Variants in TMEM135 observed in about 807,000 individuals in gnomAD.
TMEM135 encodes the protein peroxisomal membrane protein 52.
TMEM135 carries 30 observed loss-of-function variants against 60.3 expected under a neutral mutation model. The observed-to-expected ratio is 0.50, with a 90% CI of 0.37 to 0.68. The LOEUF is 0.68. Ranked by LOEUF, TMEM135 falls within the 30% of genes least tolerant of loss-of-function variation. The pLI, the probability that TMEM135 is intolerant of heterozygous loss-of-function variation, is 0.00. For synonymous variants in TMEM135, 190 were observed against 186.7 expected (o/e 1.02, Z -0.14); for missense variants, 468 against 548.8 (o/e 0.85, Z 1.47).
chr11:87,079,843 C>CTTTTTT (rs139184730), intron 3 of TMEM135, among the ~76,000 whole-genome samples: 9 of 107,938 alleles, frequency 8.3e-5, no homozygotes, highest in Non-Finnish European at 1.2e-4. Context: ...CTTTTCTTTT[C>CTTTTTT]TTTTTTTTTT....
At chr11:87,240,880 A>G (rs1423053207) in intron 6 of TMEM135, among the ~76,000 whole-genome samples, 1 of 126,372 alleles carries the variant, frequency 7.9e-6, no homozygotes, top group Non-Finnish European at 1.7e-5. Context: ...TTATTTTAAC[A>G]TATAGATTGA....
chr11:87,224,908 G>A (rs950681571), intron 5 of TMEM135, among the ~76,000 whole-genome samples: 1 of 151,752 alleles, frequency 6.6e-6, no homozygotes, highest in South Asian at 2.1e-4. Context: ...AAACAAGTGA[G>A]GTTTTAGTTT....
intron 4 of TMEM135, among the ~76,000 whole-genome samples, chr11:87,144,880 C>T (rs1160926590): frequency 4.6e-5 from 7 of 151,934 alleles, no homozygotes; most frequent in African/African-American, 1.7e-4. Context: ...ATGTTATAAT[C>T]TATGAATACA....
In TMEM135 at chr11:87,043,504, T is replaced by A. The variant is rs539371495; in HGVS notation, c.141+5318T>A. ...ACTTTGGGAGGCTGAGGCGGGTGGA[T>A]CACGAGGTCAGGAAATGGAGACCAT... On this transcript the variant is annotated intron_variant, in intron 1 of 14. Transcript: ENST00000305494. 2.0e-4 allele frequency among the ~76,000 whole-genome samples: 30 copies of A among 151,808 alleles called. 2 individuals are homozygous for A. The South Asian group carries it at 6.0e-3, about 31-fold the overall frequency.
intron 5 of TMEM135, among the ~76,000 whole-genome samples, chr11:87,224,308 C>G (rs576687418): frequency 6.6e-6 from 1 of 152,224 alleles, no homozygotes; most frequent in South Asian, 2.1e-4. Context: ...TCCACAAAAC[C>G]TTGTAGTTTA....
rs1357524934 is a variant in TMEM135, at chr11:87,326,935, A to G, written c.*5602A>G. 2 of 434,526 alleles carry G rather than the reference A, an allele frequency of 4.6e-6. No individual in the cohort carries two copies. Among genetic ancestry groups the G allele is most frequent in the Admixed American group, 2.6e-5 (1 of 38,394 alleles). 26.9% of individuals were successfully genotyped at this position (434,526 alleles called of 1,614,324 possible). A position where few individuals can be genotyped will look rare whatever the true frequency, so the allele number is the denominator to read the frequency against. The stretch of plus-strand genomic sequence containing the variant: ...CCTTTTTTTTTTTTTTTTTTTCACT[A>G]AAACGCTTCCTATAACTTGGATTAA... On this transcript the variant is annotated 3_prime_UTR_variant, in exon 15 of 15. Coordinates refer to ENST00000305494, the MANE Select transcript of TMEM135 (RefSeq NM_022918.4).
At chr11:87,257,846 T>C (rs1310476114) in intron 6 of TMEM135, among the ~76,000 whole-genome samples, 1 of 152,106 alleles carries the variant, frequency 6.6e-6, no homozygotes, top group Non-Finnish European at 1.5e-5. Context: ...TGATACAGTT[T>C]AGATAGTGAA....
intron 6 of TMEM135, among the ~76,000 whole-genome samples, chr11:87,247,552 G>A (rs1179469237): frequency 9.2e-5 from 14 of 152,110 alleles, no homozygotes; most frequent in African/African-American, 3.4e-4. Context: ...AGCAAGCCTG[G>A]GCAATGGCAG....
chr11:87,296,486 T>C lies in TMEM135; in HGVS notation c.551+663T>C, dbSNP rs536092797. Reference sequence around the variant, plus strand: ...CTCCATACCCAGTGTTTGTCTAGTTTATATCATAAATGTTGCCTGTTTTGT... The same window carrying C: ...CTCCATACCCAGTGTTTGTCTAGTTCATATCATAAATGTTGCCTGTTTTGT... On this transcript the variant is annotated intron_variant, in intron 7 of 14. Coordinates refer to ENST00000305494, the MANE Select transcript of TMEM135 (RefSeq NM_022918.4). 6.6e-5 allele frequency among the ~76,000 whole-genome samples: 10 copies of C among 152,346 alleles called. No individual in the cohort carries two copies. In the South Asian group the frequency reaches 2.1e-3, roughly 32 times the overall value.
intron 5 of TMEM135, among the ~76,000 whole-genome samples, chr11:87,221,668 G>T (rs1940619204): frequency 6.6e-6 from 1 of 152,044 alleles, no homozygotes; most frequent in Admixed American, 6.5e-5. Flanking sequence ...GGTAACGTCT[G>T]GTCTATAAAT....
At chr11:87,242,682 C>T (rs902668253) in intron 6 of TMEM135, among the ~76,000 whole-genome samples, 26 of 143,786 alleles carry the variant, frequency 1.8e-4, no homozygotes, top group Non-Finnish European at 3.4e-4. Flanking sequence ...ATCCTTTGCC[C>T]ACTTTTTGAT....
chr11:87,272,600 A>G (rs1242288191), intron 6 of TMEM135, among the ~76,000 whole-genome samples: 1 of 151,818 alleles, frequency 6.6e-6, no homozygotes, highest in Non-Finnish European at 1.5e-5. Flanking sequence ...AGCTGGGACT[A>G]TAGGTGTGTG....
At chr11:87,083,812 C>T (rs1394525367) in intron 3 of TMEM135, among the ~76,000 whole-genome samples, 1 of 152,046 alleles carries the variant, frequency 6.6e-6, no homozygotes, top group African/African-American at 2.4e-5. Flanking sequence ...CCTTCTAAAA[C>T]ATTCTGACAG....
At chr11:87,315,994 T>A (rs1366393201) in intron 12 of TMEM135, among the ~76,000 whole-genome samples, 1 of 151,916 alleles carries the variant, frequency 6.6e-6, no homozygotes, top group Admixed American at 6.6e-5. Context: ...TCTGGGACAT[T>A]TTCTGCCTCA....
At chr11:87,132,328 T>A (rs1227663833) in intron 4 of TMEM135, among the ~76,000 whole-genome samples, 1 of 152,146 alleles carries the variant, frequency 6.6e-6, no homozygotes, top group East Asian at 1.9e-4. Context: ...GATTGGCACA[T>A]AGAAAAGTTA....
intron 6 of TMEM135, among the ~76,000 whole-genome samples, chr11:87,248,559 A>G (rs943341303): frequency 6.6e-6 from 1 of 151,800 alleles, no homozygotes; most frequent in African/African-American, 2.4e-5. Context: ...GATTCTTCCA[A>G]TTTTGTTCTT....
chr11:87,075,344 C>G (rs1856849748), intron 3 of TMEM135, among the ~76,000 whole-genome samples: 1 of 151,774 alleles, frequency 6.6e-6, no homozygotes, highest in South Asian at 2.1e-4. Flanking sequence ...TTAGTAGAGA[C>G]GGGATTTCAC....
At chr11:87,167,842 G>T (rs1939104406) in intron 5 of TMEM135, among the ~76,000 whole-genome samples, 1 of 152,116 alleles carries the variant, frequency 6.6e-6, no homozygotes, top group Non-Finnish European at 1.5e-5. Context: ...TTGAGGAGGA[G>T]TACCTCTTTT....
chr11:87,250,139 C>G (rs1386199068), intron 6 of TMEM135, among the ~76,000 whole-genome samples: 2 of 152,062 alleles, frequency 1.3e-5, no homozygotes, highest in African/African-American at 4.8e-5. Context: ...TGCTGTAATT[C>G]AGTTGAATTA....
Sources: allele counts gnomAD v4.1 joint callset (sites outside exome capture counted in the v4.1 genomes callset), GRCh38; gene constraint gnomAD v4.1.1; transcripts MANE v1.5; gene names NCBI Gene and HGNC (gene_info 2026-07-23, HGNC 2026-07-21).